The following RBM47 variants were observed in gnomAD, a reference collection of about 807,000 sequenced individuals.
RBM47 encodes the protein RNA binding motif protein 47.
RBM47 carries 21 observed loss-of-function variants against 47.1 expected under a neutral mutation model. The ratio of observed to expected loss-of-function variants is 0.45; its 90% CI spans 0.32 to 0.64. The LOEUF is 0.64. Ranked by LOEUF, RBM47 falls within the 30% of genes least tolerant of loss-of-function variation. The pLI is 0.05. For synonymous variants in RBM47, 375 were observed against 361.7 expected (o/e 1.04, Z -0.42); for missense variants, 708 against 870.9 (o/e 0.81, Z 2.35).
intron 2 of RBM47, among the ~76,000 whole-genome samples, chr4:40,509,278 C>T (rs1277418431): frequency 6.6e-6 from 1 of 152,032 alleles, no homozygotes; most frequent in East Asian, 1.9e-4. Context: ...TAATTGTAGA[C>T]ATCACTTGTA....
chr4:40,598,998 T>C (rs1735004194), intron 1 of RBM47, among the ~76,000 whole-genome samples: 1 of 152,062 alleles, frequency 6.6e-6, no homozygotes, highest in Admixed American at 6.6e-5. Flanking sequence ...CTCATACCTG[T>C]AATCCCAGCA....
chr4:40,583,357 T>C (rs989076480), intron 1 of RBM47, among the ~76,000 whole-genome samples: 13 of 123,778 alleles, frequency 1.1e-4, no homozygotes, highest in Non-Finnish European at 1.9e-4. Flanking sequence ...GAGGTTGCAG[T>C]GAGCCGAGAT....
intron 1 of RBM47, among the ~76,000 whole-genome samples, chr4:40,605,214 G>A (rs1452611858): frequency 2.6e-5 from 4 of 151,810 alleles, no homozygotes; most frequent in East Asian, 1.9e-4. Context: ...TAGTAGAGAC[G>A]GGGTTTCACC....
At chr4:40,434,703 C>CAAAAAA (rs201921796) in intron 5 of RBM47, among the ~76,000 whole-genome samples, 11 of 103,702 alleles carry the variant, frequency 1.1e-4, no homozygotes, top group African/African-American at 3.3e-4. Context: ...TTTACACAGG[C>CAAAAAA]AAAAAAAAAA....
chr4:40,560,749 G>A (rs946133675), intron 1 of RBM47, among the ~76,000 whole-genome samples: 3 of 152,082 alleles, frequency 2.0e-5, no homozygotes, highest in Non-Finnish European at 2.9e-5. Context: ...GGTGGATTAC[G>A]AGGTCAGGAG....
intron 3 of RBM47, among the ~76,000 whole-genome samples, chr4:40,442,570 C>A (rs1713825317): frequency 6.6e-6 from 1 of 152,168 alleles, no homozygotes; most frequent in Non-Finnish European, 1.5e-5. Context: ...ATGTTCACAG[C>A]AACAGTATTT....
At chr4:40,629,233 C>G (rs1053128414) in intron 1 of RBM47, among the ~76,000 whole-genome samples, 163 bp downstream of exon 1, 29 of 152,084 alleles carry the variant, frequency 1.9e-4, no homozygotes, top group African/African-American at 6.3e-4. Flanking sequence ...TTTATAAACC[C>G]TTTATTTCCC....
In RBM47 at chr4:40,563,715, A is replaced by G. The variant is rs75521333; in HGVS notation, c.-239-19209T>C. Among the ~76,000 whole-genome samples, 872 of 152,316 alleles carry G rather than the reference A, an allele frequency of 5.7e-3. 6 individuals carry two copies. Among genetic ancestry groups the G allele is most frequent in the African/African-American group, 0.02 (840 of 41,570 alleles). The stretch of plus-strand genomic sequence containing the variant: ...GCTTACCTCACCCAGAGGGGTAATC[A>G]ACACCCCTTTCCGTGTGGCTGTGTT... On this transcript the variant is annotated intron_variant, in intron 1 of 6. Coordinates refer to ENST00000295971, the MANE Select transcript of RBM47 (RefSeq NM_001098634.2).
intron 1 of RBM47, among the ~76,000 whole-genome samples, chr4:40,545,496 T>C: frequency 6.7e-6 from 1 of 149,416 alleles, no homozygotes. Flanking sequence ...AAACCCCATC[T>C]CTACTAAAAA....
At chr4:40,437,693 G>T (rs1712872444) in intron 4 of RBM47, 78 bp downstream of exon 4, 2 of 1,415,138 alleles carry the variant, frequency 1.4e-6, no homozygotes, top group Admixed American at 4.3e-5. Context: ...GCAAATGCCA[G>T]CCACGGTATC....
At chr4:40,440,792 T>A (rs895544772) in intron 3 of RBM47, among the ~76,000 whole-genome samples, 1 of 152,210 alleles carries the variant, frequency 6.6e-6, no homozygotes, top group Non-Finnish European at 1.5e-5. Flanking sequence ...ATTAACCTCA[T>A]TAAGTTTAGA....
At chr4:40,569,205 A>G (rs1028880107) in intron 1 of RBM47, among the ~76,000 whole-genome samples, 1 of 151,982 alleles carries the variant, frequency 6.6e-6, no homozygotes, top group African/African-American at 2.4e-5. Flanking sequence ...AATACAGGAA[A>G]CAAAATTAAA....
At chr4:40,625,526 T>C (rs1395993539) in intron 1 of RBM47, among the ~76,000 whole-genome samples, 2 of 152,182 alleles carry the variant, frequency 1.3e-5, no homozygotes, top group African/African-American at 4.8e-5. Context: ...TTGGTACATA[T>C]ACTTAACTCT....
chr4:40,614,106 T>A (rs1037992305), intron 1 of RBM47, among the ~76,000 whole-genome samples: 3 of 152,146 alleles, frequency 2.0e-5, no homozygotes, highest in African/African-American at 7.2e-5. Context: ...ATACTAGCAA[T>A]ATTCACTATC....
rs558093363 is a variant in RBM47, at chr4:40,615,904, TAC to T, written c.-240+13490_-240+13491del. 2.2e-3 allele frequency among the ~76,000 whole-genome samples: 342 copies of T among 152,264 alleles called. 1 individual carries two copies. Among genetic ancestry groups the T allele is most frequent in the African/African-American group, 7.8e-3 (323 of 41,560 alleles). On this transcript the variant is annotated intron_variant, in intron 1 of 6. Transcript: ENST00000295971. ...TGTGGCTCAATTAAGCAATAATAAA[TAC>T]AATTACACCTCATGGGCTCCACTGG... is the stretch of plus-strand genomic sequence containing the variant.
At chr4:40,590,379 ACT>A (rs1027882572) in intron 1 of RBM47, among the ~76,000 whole-genome samples, 6 of 151,556 alleles carry the variant, frequency 4.0e-5, no homozygotes, top group Non-Finnish European at 8.8e-5. Flanking sequence ...TGGGCAACAG[ACT>A]CTGTCTCTTT....
intron 2 of RBM47, chr4:40,475,864 G>C (rs1212987770): frequency 6.6e-6 from 1 of 152,184 alleles, no homozygotes; most frequent in Non-Finnish European, 1.5e-5. Flanking sequence ...CATTTGCTAA[G>C]GGCACCTGGA....
At chr4:40,478,863 T>C (rs868308392) in intron 2 of RBM47, among the ~76,000 whole-genome samples, 1 of 152,260 alleles carries the variant, frequency 6.6e-6, no homozygotes, top group Non-Finnish European at 1.5e-5. Context: ...TTGTATATAG[T>C]AGTAGCATAT....
intron 1 of RBM47, among the ~76,000 whole-genome samples, chr4:40,556,190 C>T (rs891270181): frequency 6.6e-6 from 1 of 151,768 alleles, no homozygotes; most frequent in African/African-American, 2.4e-5. Flanking sequence ...CATGCACCAC[C>T]GCGTCTGGCT....
Sources: gnomAD v4.1 joint callset for allele counts (sites outside exome capture counted in the v4.1 genomes callset) on GRCh38, gnomAD v4.1.1 for gene constraint, MANE v1.5 for transcripts, NCBI Gene and HGNC (gene_info 2026-07-23, HGNC 2026-07-21) for gene names.